TRPC7: variants seen among roughly 807,000 people sequenced by gnomAD.
The protein encoded by TRPC7 is short transient receptor potential channel 7.
A neutral mutation model predicts 90.1 loss-of-function variants in TRPC7; 42 were observed. The ratio of observed to expected loss-of-function variants is 0.47; its 90% CI spans 0.36 to 0.60. TRPC7 has a LOEUF of 0.60. TRPC7 is among the 20% of genes least tolerant of loss of function. The pLI, the probability that TRPC7 is intolerant of heterozygous loss-of-function variation, is 0.00. For missense variants in TRPC7, 955 were observed against 1,112.3 expected (o/e 0.86, Z 2.01); for synonymous variants, 451 against 436.3 (o/e 1.03, Z -0.42).
chr5:136,294,684 C>G (rs1013706098), intron 3 of TRPC7, among the ~76,000 whole-genome samples: 1 of 152,194 alleles, frequency 6.6e-6, no homozygotes, highest in Non-Finnish European at 1.5e-5. Flanking sequence ...CAATTTTACA[C>G]TGTTGGTGGG....
intron 11 of TRPC7, among the ~76,000 whole-genome samples, 185 bp downstream of exon 11, chr5:136,216,015 G>C (rs1755254277): frequency 6.6e-6 from 1 of 152,146 alleles, no homozygotes; most frequent in Admixed American, 6.5e-5. Context: ...CAAGGCAACA[G>C]GGACAGGCCT....
Position 136,213,338 on chromosome 5 carries a change from G to A in TRPC7, c.*97C>T, listed in dbSNP as rs563893550. ...AGGAGATCCCCTTCGTGTCCTAGAGGAGTGGGCTGGGGACCCCTCCCCACC... is the reference window on the plus strand; with the variant it reads ...AGGAGATCCCCTTCGTGTCCTAGAGAAGTGGGCTGGGGACCCCTCCCCACC... On this transcript the variant is annotated 3_prime_UTR_variant, in exon 12 of 12. Coordinates refer to ENST00000513104, the MANE Select transcript of TRPC7 (RefSeq NM_020389.3). 60 of 1,252,676 alleles carry A rather than the reference G, an allele frequency of 4.8e-5. No homozygotes were observed. The highest frequency in any genetic ancestry group is 2.9e-4 in the South Asian group (20 of 69,944). 77.6% of individuals were successfully genotyped at this position (1,252,676 alleles called of 1,614,324 possible). A position where few individuals can be genotyped will look rare whatever the true frequency, so the allele number is the denominator to read the frequency against.
intron 7 of TRPC7, among the ~76,000 whole-genome samples, chr5:136,236,504 C>A (rs1404569937): frequency 6.6e-6 from 1 of 152,140 alleles, no homozygotes; most frequent in Non-Finnish European, 1.5e-5. Context: ...AGTCAATAGG[C>A]CACCCCAGCA....
In TRPC7 at chr5:136,356,687, G is replaced by A; in HGVS notation, c.701C>T (p.Ser234Phe). The change falls in exon 2 of 12, where the codon TCC (serine) becomes TTC (phenylalanine). Residue 234 changes from serine (S) to phenylalanine (F), a missense_variant. Transcript: ENST00000513104. ...GGCGGTGAGGACAGGGTCTTCGCTG[G>A]ACAGGGACAAGTAGGCAGCACTCGC... ...GLASAAYLSL[S>F]SEDPVLTALE... is the part of the protein sequence containing the mutation. 6.2e-7 allele frequency: 1 copy of A among 1,606,916 alleles called. No homozygotes were observed. Among genetic ancestry groups the A allele is most frequent in the Non-Finnish European group, 8.5e-7 (1 of 1,175,840 alleles).
At position 136,247,779 on chromosome 5, in the gene TRPC7, A is replaced by G. The variant is rs765810034; in HGVS notation, c.1580-44T>C. The G allele has an allele frequency of 5.1e-6, 8 of 1,574,252 alleles. No homozygotes were observed. Among genetic ancestry groups the G allele is most frequent in the Middle Eastern group, 1.7e-4 (1 of 5,852 alleles). On this transcript the variant is annotated intron_variant, in intron 6 of 11. Coordinates refer to ENST00000513104, the MANE Select transcript of TRPC7 (RefSeq NM_020389.3). This position sits in a 1 kb window ranked among gnomAD's most constrained non-coding sequence, Gnocchi z 4.2. The stretch of plus-strand genomic sequence containing the variant: ...GGTTACTCACGAGGCCACAGGATCT[A>G]TTCTAGAAGAGAAACCAGTTAGGCA...
intron 5 of TRPC7, among the ~76,000 whole-genome samples, chr5:136,260,706 C>G (rs553564023): frequency 6.6e-6 from 1 of 152,212 alleles, no homozygotes; most frequent in East Asian, 1.9e-4. Context: ...AATGAGAAGA[C>G]TCAATTACGT....
At chr5:136,282,567 T>C (rs11957241) in intron 3 of TRPC7, among the ~76,000 whole-genome samples, 18,388 of 152,258 alleles carry the variant, frequency 0.12, 1,156 homozygotes, top group African/African-American at 0.14. Flanking sequence ...TTTATTTGTA[T>C]ATTGTTTTAT....
intron 4 of TRPC7, among the ~76,000 whole-genome samples, chr5:136,272,892 C>T (rs1032721472): frequency 6.6e-6 from 1 of 152,172 alleles, no homozygotes; most frequent in East Asian, 1.9e-4. Flanking sequence ...TCTCTGCAAC[C>T]ACACACTTTT....
In TRPC7 at chr5:136,301,875, G is replaced by C. The variant is rs548582700; in HGVS notation, c.963+13722C>G. Among the ~76,000 whole-genome samples, 12 of 152,326 alleles carry C rather than the reference G, an allele frequency of 7.9e-5. No individual in the cohort carries two copies. In the East Asian group the frequency reaches 2.3e-3, roughly 29 times the overall value. ...TCGGATCGGGGGACCTCCCTTGGGA[G>C]ATCAATCCCCCGTCTTCCTGCTCTT... On this transcript the variant is annotated intron_variant, in intron 3 of 11. Transcript: ENST00000513104.
chr5:136,253,510 C>A (rs1270510482), intron 5 of TRPC7, among the ~76,000 whole-genome samples: 1 of 152,032 alleles, frequency 6.6e-6, no homozygotes, highest in East Asian at 1.9e-4. Context: ...TATTTCAAAC[C>A]TTTTCATTAT....
At chr5:136,257,474 T>A (rs115927511) in intron 5 of TRPC7, among the ~76,000 whole-genome samples, 1 of 152,100 alleles carries the variant, frequency 6.6e-6, no homozygotes, top group Non-Finnish European at 1.5e-5. Flanking sequence ...AGCCACCACT[T>A]CCGGCCTGAA....
At chr5:136,245,686 C>G (rs536728761) in intron 7 of TRPC7, among the ~76,000 whole-genome samples, 1 of 152,136 alleles carries the variant, frequency 6.6e-6, no homozygotes, top group African/African-American at 2.4e-5. Context: ...ATCCTCCTTT[C>G]AAGACTTTGG....
rs773395664 is a variant in TRPC7, at chr5:136,336,925, G to A, written c.780+19683C>T. ...TCATCAGAAAGATGAACCACAGAAT[G>A]GTGACAGGACTTGGCCAAGGTCACA... is the stretch of plus-strand genomic sequence containing the variant. On this transcript the variant is annotated intron_variant, in intron 2 of 11. Transcript: ENST00000513104. 1.6e-4 allele frequency among the ~76,000 whole-genome samples: 25 copies of A among 152,270 alleles called. No homozygotes were observed. The Middle Eastern group carries it at 0.01, about 63-fold the overall frequency.
chr5:136,309,079 G>C (rs1398903217), intron 3 of TRPC7, among the ~76,000 whole-genome samples: 1 of 152,156 alleles, frequency 6.6e-6, no homozygotes, highest in East Asian at 1.9e-4. Flanking sequence ...GGGTTGAAAT[G>C]GTCCCCCATC....
intron 4 of TRPC7, among the ~76,000 whole-genome samples, chr5:136,266,711 A>G (rs547817591): frequency 6.6e-4 from 101 of 152,280 alleles, no homozygotes; most frequent in African/African-American, 2.4e-3. Context: ...GCTACATCTG[A>G]TTGCACTGAT....
chr5:136,296,528 A>T (rs13157395), intron 3 of TRPC7, among the ~76,000 whole-genome samples: 50,120 of 152,122 alleles, frequency 0.33, 8,617 homozygotes, highest in South Asian at 0.5. Flanking sequence ...GCTCAACAGT[A>T]GAGAAAATGT....
chr5:136,255,987 T>C (rs182140257), intron 5 of TRPC7, among the ~76,000 whole-genome samples: 3 of 152,330 alleles, frequency 2.0e-5, no homozygotes, highest in African/African-American at 7.2e-5. Flanking sequence ...CAAAGAGTCT[T>C]ACGACTACTC....
intron 3 of TRPC7, among the ~76,000 whole-genome samples, chr5:136,281,538 G>A (rs879026430): frequency 1.3e-5 from 2 of 152,180 alleles, no homozygotes; most frequent in Admixed American, 1.3e-4. Context: ...GTTCTGACTG[G>A]ATAATGTTAC....
intron 2 of TRPC7, among the ~76,000 whole-genome samples, chr5:136,329,243 G>A (rs1263825143): frequency 6.6e-6 from 1 of 152,088 alleles, no homozygotes; most frequent in Non-Finnish European, 1.5e-5. Flanking sequence ...TCAAGGAAAC[G>A]ACTCAGGTAT....
Sources: allele counts gnomAD v4.1 joint callset (sites outside exome capture counted in the v4.1 genomes callset), GRCh38; gene constraint gnomAD v4.1.1; non-coding constraint Gnocchi (gnomAD v3.1); transcripts MANE v1.5; gene names NCBI Gene and HGNC (gene_info 2026-07-23, HGNC 2026-07-21).